Variants in RGS7 observed in about 807,000 individuals in gnomAD.
RGS7 encodes regulator of G protein signaling 7.
RGS7 carries 27 observed loss-of-function variants against 81.1 expected under a neutral mutation model. The ratio of observed to expected loss-of-function variants is 0.33; its 90% CI spans 0.25 to 0.46. The LOEUF is 0.46. Ranked by LOEUF, RGS7 falls within the 20% of genes least tolerant of loss-of-function variation. The probability of loss-of-function intolerance (pLI) is 1.00; values close to 1 mark genes in which losing one functional copy is unlikely to be tolerated. For missense variants in RGS7, 396 were observed against 607.4 expected, an observed-to-expected ratio of 0.65 and a Z score of 3.66; for synonymous variants, 208 against 207.7, an observed-to-expected ratio of 1.00 and a Z score of -0.01.
chr1:240,819,636 G>A (rs1393938618), intron 10 of RGS7, among the ~76,000 whole-genome samples: 1 of 152,146 alleles, frequency 6.6e-6, no homozygotes, highest in Non-Finnish European at 1.5e-5. Flanking sequence ...TACTTGGGAG[G>A]CTGAGGCAGG....
intron 6 of RGS7, among the ~76,000 whole-genome samples, chr1:240,892,579 TA>T (rs1668450503): frequency 6.6e-6 from 1 of 152,224 alleles, no homozygotes; most frequent in South Asian, 2.1e-4. Context: ...AAGTTGGGCC[TA>T]GGGGTTTCTC....
intron 9 of RGS7, among the ~76,000 whole-genome samples, chr1:240,866,345 A>G (rs1663249245): frequency 6.6e-6 from 1 of 152,098 alleles, no homozygotes; most frequent in South Asian, 2.1e-4. Flanking sequence ...CCCCGTCTCT[A>G]CTAAAAATAC....
intron 2 of RGS7, among the ~76,000 whole-genome samples, chr1:241,156,165 G>GATAC (rs1426152215): frequency 1.4e-5 from 2 of 143,780 alleles, no homozygotes; most frequent in African/African-American, 5.4e-5. Context: ...TAGATAGATA[G>GATAC]ATAGATACAT....
chr1:240,842,670 G>A (rs535216039), intron 9 of RGS7, among the ~76,000 whole-genome samples: 1 of 152,076 alleles, frequency 6.6e-6, no homozygotes, highest in Non-Finnish European at 1.5e-5. Context: ...AGGCAAGAGT[G>A]TAAAACTCAG....
chr1:240,800,931 A>G (rs899866125), intron 17 of RGS7, among the ~76,000 whole-genome samples: 1 of 152,150 alleles, frequency 6.6e-6, no homozygotes, highest in Non-Finnish European at 1.5e-5. Context: ...CTGAAAAATA[A>G]GGAATAAGAA....
chr1:240,919,783 T>TA (rs1193790469), intron 6 of RGS7: 1 of 710,564 alleles, frequency 1.4e-6, no homozygotes, highest in Admixed American at 1.9e-5. Context: ...GACTGTGTGG[T>TA]AATGAGAGAT....
rs2069921048 is a variant in RGS7, at chr1:241,163,634, C to T, written c.79-64872G>A. 6.6e-6 allele frequency among the ~76,000 whole-genome samples: 1 copy of T among 152,274 alleles called. No individual in the cohort carries two copies. Among genetic ancestry groups the T allele is most frequent in the South Asian group, 2.1e-4 (1 of 4,820 alleles). ...CAAGTGATCTTTGCTAGCCAGGGCT[C>T]CTCTTCTCTCCCTCCCATAATCACA... On this transcript the variant is annotated intron_variant, in intron 2 of 18. Coordinates refer to ENST00000440928, the MANE Select transcript of RGS7 (RefSeq NM_001364886.1). This position sits in a 1 kb window ranked among gnomAD's most constrained non-coding sequence, Gnocchi z 4.6.
intron 2 of RGS7, among the ~76,000 whole-genome samples, chr1:241,127,939 T>G (rs2066787038): frequency 6.6e-6 from 1 of 151,840 alleles, no homozygotes; most frequent in South Asian, 2.1e-4. Flanking sequence ...AAAGTACAGT[T>G]GCATAGATTT....
At chr1:240,845,648 G>A (rs543011939) in intron 9 of RGS7, among the ~76,000 whole-genome samples, 9 of 152,086 alleles carry the variant, frequency 5.9e-5, no homozygotes, top group East Asian at 1.9e-4. Flanking sequence ...CCCACCCCAC[G>A]AAGTCATTGT....
rs559501767 is a variant in RGS7 at position 241,209,122 on chromosome 1, TAGAG to T, written c.79-110364_79-110361del. 1.1e-4 allele frequency among the ~76,000 whole-genome samples: 16 copies of T among 152,320 alleles called. No homozygotes were observed. The South Asian group carries it at 2.5e-3, about 24-fold the overall frequency. ...ATTAATTATTAAATCAGTGTCAACT[TAGAG>T]AGATGTCTCTAGTGGTCTGCCGCAG... On this transcript the variant is annotated intron_variant, in intron 2 of 18. Transcript: ENST00000440928.
At chr1:241,298,239 A>G (rs1573559117) in intron 2 of RGS7, among the ~76,000 whole-genome samples, 1 of 152,326 alleles carries the variant, frequency 6.6e-6, no homozygotes, top group Non-Finnish European at 1.5e-5. Flanking sequence ...ATGGTTTTTT[A>G]AAAAATGAAT....
At chr1:240,812,470 T>C (rs1197152776) in intron 13 of RGS7, among the ~76,000 whole-genome samples, 1 of 150,322 alleles carries the variant, frequency 6.7e-6, no homozygotes, top group Non-Finnish European at 1.5e-5. Context: ...GTTTTGCTCT[T>C]GTCACCCAGG....
chr1:241,104,572 T>C (rs976690622), intron 2 of RGS7, among the ~76,000 whole-genome samples: 2 of 152,238 alleles, frequency 1.3e-5, no homozygotes, highest in African/African-American at 4.8e-5. Flanking sequence ...AATTTGCCTC[T>C]TGAAGTTATT....
chr1:240,970,700 A>G (rs1445468637), intron 4 of RGS7, among the ~76,000 whole-genome samples: 1 of 152,148 alleles, frequency 6.6e-6, no homozygotes, highest in African/African-American at 2.4e-5. Context: ...AATGTGTAAA[A>G]TATGCCAGGC....
chr1:241,275,404 T>C (rs1260173731), intron 2 of RGS7, among the ~76,000 whole-genome samples: 2 of 152,220 alleles, frequency 1.3e-5, no homozygotes, highest in Non-Finnish European at 2.9e-5. Flanking sequence ...AAATATACAC[T>C]ATAGCACACC....
chr1:241,028,562 C>T (rs948525315), intron 3 of RGS7, among the ~76,000 whole-genome samples: 1 of 151,950 alleles, frequency 6.6e-6, no homozygotes, highest in African/African-American at 2.4e-5. Flanking sequence ...AGGAGGAGAG[C>T]CAGGAGAGCA....
At chr1:241,230,639 G>A (rs1436641060) in intron 2 of RGS7, among the ~76,000 whole-genome samples, 2 of 152,236 alleles carry the variant, frequency 1.3e-5, no homozygotes, top group Non-Finnish European at 2.9e-5. Context: ...CTCAAGGCCT[G>A]TACAATGCCT....
At chr1:241,086,258 G>A (rs866288059) in intron 3 of RGS7, among the ~76,000 whole-genome samples, 13 of 152,214 alleles carry the variant, frequency 8.5e-5, no homozygotes, top group Middle Eastern at 3.4e-3. Flanking sequence ...TCATGCCTTC[G>A]TCATTCTCTC....
At chr1:241,228,796 G>A (rs1301787141) in intron 2 of RGS7, among the ~76,000 whole-genome samples, 4 of 151,640 alleles carry the variant, frequency 2.6e-5, no homozygotes, top group Non-Finnish European at 5.9e-5. Context: ...TTATATCCCT[G>A]AGGTAAGTTT....
Sources: allele counts gnomAD v4.1 joint callset (sites outside exome capture counted in the v4.1 genomes callset), GRCh38; gene constraint gnomAD v4.1.1; non-coding constraint Gnocchi (gnomAD v3.1); transcripts MANE v1.5; gene names NCBI Gene and HGNC (gene_info 2026-07-23, HGNC 2026-07-21).